Variants in ARNT2 observed in about 807,000 individuals in gnomAD.
ARNT2 encodes the protein aryl hydrocarbon receptor nuclear translocator 2.
ARNT2 carries 36 observed loss-of-function variants against 91.7 expected under a neutral mutation model. That is an observed-to-expected ratio of 0.39 (90% CI 0.30 to 0.52). The LOEUF (loss-of-function observed/expected upper bound fraction) is 0.52. ARNT2 is among the 20% of genes least tolerant of loss of function. ARNT2 has a pLI of 0.72. For missense variants in ARNT2, 775 were observed against 939.3 expected (o/e 0.83, Z 2.29); for synonymous variants, 365 against 347.1 (o/e 1.05, Z -0.57).
chr15:80,534,651 T>C (rs910084604), intron 8 of ARNT2, among the ~76,000 whole-genome samples: 2 of 152,236 alleles, frequency 1.3e-5, no homozygotes, highest in Non-Finnish European at 2.9e-5. Context: ...ATTAATTCAT[T>C]CTACCTTGTT....
At chr15:80,413,228 A>C (rs775415170) in intron 1 of ARNT2, among the ~76,000 whole-genome samples, 1 of 152,186 alleles carries the variant, frequency 6.6e-6, no homozygotes, top group Non-Finnish European at 1.5e-5. Context: ...CTGGGTTCTC[A>C]TCTGAGGCCC....
At chr15:80,551,411 G>C in intron 9 of ARNT2, 136 bp downstream of exon 9, 1 of 796,704 alleles carries the variant, frequency 1.3e-6, no homozygotes, top group Non-Finnish European at 2.0e-6. Flanking sequence ...TCACTCTGTG[G>C]GACAAGGCTG....
chr15:80,454,451 T>G (rs762373205), intron 2 of ARNT2, among the ~76,000 whole-genome samples: 1 of 152,248 alleles, frequency 6.6e-6, no homozygotes, highest in Non-Finnish European at 1.5e-5. Context: ...AAGTTACTTA[T>G]AGCCAATGGA....
At chr15:80,539,369 CTA>C (rs1278518169) in intron 8 of ARNT2, among the ~76,000 whole-genome samples, 2 of 151,980 alleles carry the variant, frequency 1.3e-5, no homozygotes, top group Non-Finnish European at 2.9e-5. Flanking sequence ...AGGAAAAAAA[CTA>C]TTGACAAAAT....
At chr15:80,448,966 C>T (rs549631824) in intron 1 of ARNT2, among the ~76,000 whole-genome samples, 6 of 152,156 alleles carry the variant, frequency 3.9e-5, no homozygotes, top group Non-Finnish European at 8.8e-5. Context: ...GCCTGGGTGA[C>T]AGAGTGAGAC....
At chr15:80,573,043 G>A (rs1434359508) in intron 12 of ARNT2, among the ~76,000 whole-genome samples, 4 of 152,190 alleles carry the variant, frequency 2.6e-5, no homozygotes, top group African/African-American at 9.7e-5. Context: ...TGACCACCTG[G>A]GAGCGTGTGA....
rs1015282056 is a variant in ARNT2, at chr15:80,530,075, C to T, written c.877+15670C>T. Among the ~76,000 whole-genome samples, 5 of 152,234 alleles carry T rather than the reference C, an allele frequency of 3.3e-5. 1 individual carries two copies. In the East Asian group the frequency reaches 9.7e-4, roughly 29 times the overall value. ...TTCCTTAACTCGGTATCTTCTTTTT[C>T]ATAGGCTTGTGATTTTTTTTCCATG... On this transcript the variant is annotated intron_variant, in intron 8 of 18. Coordinates refer to ENST00000303329, the MANE Select transcript of ARNT2 (RefSeq NM_014862.4).
At chr15:80,516,270 A>G (rs1896323428) in intron 8 of ARNT2, among the ~76,000 whole-genome samples, 1 of 152,220 alleles carries the variant, frequency 6.6e-6, no homozygotes. Context: ...TCAATGTAGC[A>G]ATTACTGAAG....
At chr15:80,456,694 C>G (rs1896486585) in intron 2 of ARNT2, among the ~76,000 whole-genome samples, 1 of 152,132 alleles carries the variant, frequency 6.6e-6, no homozygotes. Context: ...TCCTGGTAAC[C>G]TGGGTGTCCT....
At chr15:80,508,064 C>T (rs1316208362) in intron 5 of ARNT2, 92 bp from the exon 6 acceptor site, 7 of 1,214,136 alleles carry the variant, frequency 5.8e-6, no homozygotes, top group Non-Finnish European at 8.4e-6. Flanking sequence ...CCTCATTTGG[C>T]AGAGCATTTG....
Position 80,514,344 on chromosome 15 carries a change from A to G in ARNT2, c.816A>G (p.Glu272=). The G allele has an allele frequency of 6.2e-7, 1 of 1,614,206 alleles. No individual in the cohort carries two copies. Residue 272 remains glutamate (E), a synonymous_variant, in exon 8 of 19, where the codon GAA becomes GAG. Coordinates refer to ENST00000303329, the MANE Select transcript of ARNT2 (RefSeq NM_014862.4). The part of the protein sequence containing the change: ...RFRNGLGPVK[E]GEAQYAVVHC... ...GGAATGGCCTTGGCCCTGTGAAAGA[A>G]GGAGAAGCCCAATATGCTGTGGTCC...
In ARNT2 at chr15:80,451,324, G is replaced by A. The variant is rs113160971; in HGVS notation, c.146+330G>A. 2.0e-3 allele frequency among the ~76,000 whole-genome samples: 302 copies of A among 152,356 alleles called. 1 individual carries two copies. The highest frequency in any genetic ancestry group is 6.7e-3 in the African/African-American group (278 of 41,582). On this transcript the variant is annotated intron_variant, in intron 2 of 18. Coordinates refer to ENST00000303329, the MANE Select transcript of ARNT2 (RefSeq NM_014862.4). Reference sequence around the variant, plus strand: ...AAGCCAGATTTGGCAGCACTGCTGCGCTGAGCTCCAGCCCCTGTGGGCTGC... The same window carrying A: ...AAGCCAGATTTGGCAGCACTGCTGCACTGAGCTCCAGCCCCTGTGGGCTGC...
chr15:80,417,272 C>T (rs575082727), intron 1 of ARNT2, among the ~76,000 whole-genome samples: 50 of 152,186 alleles, frequency 3.3e-4, no homozygotes, highest in Admixed American at 5.9e-4. Flanking sequence ...TGATTTGTCC[C>T]GTTTTTGGTT....
chr15:80,479,354 C>T (rs989065929), intron 5 of ARNT2, among the ~76,000 whole-genome samples: 7 of 152,256 alleles, frequency 4.6e-5, no homozygotes, highest in African/African-American at 1.7e-4. Context: ...TATACAGTCT[C>T]CTTAGAAACA....
chr15:80,476,792 A>G (rs1304275595), intron 5 of ARNT2, among the ~76,000 whole-genome samples: 1 of 152,236 alleles, frequency 6.6e-6, no homozygotes, highest in Non-Finnish European at 1.5e-5. Context: ...GCTATAACAA[A>G]ATACAATAAA....
chr15:80,497,687 G>T (rs1319588749), intron 5 of ARNT2, among the ~76,000 whole-genome samples: 1 of 152,212 alleles, frequency 6.6e-6, no homozygotes, highest in Non-Finnish European at 1.5e-5. Context: ...TCCCTGTGCT[G>T]CAGGAGAGCT....
chr15:80,464,323 G>A (rs181049861), intron 3 of ARNT2, among the ~76,000 whole-genome samples: 2,473 of 151,688 alleles, frequency 0.016, 28 homozygotes, highest in Middle Eastern at 0.031. Context: ...GGGGGCTGGG[G>A]GTGGGGGGTT....
chr15:80,581,444 G>A, intron 17 of ARNT2, 40 bp downstream of exon 17: 1 of 1,611,176 alleles, frequency 6.2e-7, no homozygotes, highest in Non-Finnish European at 8.5e-7. Context: ...GGGAAAGCCA[G>A]CACAAATGCT....
chr15:80,470,375 G>T lies in ARNT2; in HGVS notation c.352G>T (p.Gly118Cys). Residue 118 changes from glycine (G) to cysteine (C), a missense_variant, in exon 4 of 19, where the codon GGT (glycine) becomes TGT (cysteine). Physicochemically the swap from Gly to Cys is radical, Grantham distance 159. This residue lies in a region of ARNT2 where 83 missense variants were observed against 149.4 expected (regional missense o/e 0.56). Transcript: ENST00000303329. ...CGTCTCGCACATGAAGTCCATGAGGGGTACAGGGAACAAGTCCACCGATGG... is the reference window on the plus strand; with the variant it reads ...CGTCTCGCACATGAAGTCCATGAGGTGTACAGGGAACAAGTCCACCGATGG... Reference protein sequence around the residue: ...MAVSHMKSMRGTGNKSTDGAY... With the variant: ...MAVSHMKSMRCTGNKSTDGAY... 1.9e-6 allele frequency: 3 copies of T among 1,614,096 alleles called. No homozygotes were observed. Among genetic ancestry groups the T allele is most frequent in the Non-Finnish European group, 2.5e-6 (3 of 1,180,020 alleles).
Sources: allele counts gnomAD v4.1 joint callset (sites outside exome capture counted in the v4.1 genomes callset), GRCh38; gene constraint gnomAD v4.1.1; regional missense constraint gnomAD v4.1.1; transcripts MANE v1.5; gene names NCBI Gene and HGNC (gene_info 2026-07-23, HGNC 2026-07-21).